The following ARHGAP24 variants were observed in gnomAD, a reference collection of about 807,000 sequenced individuals.
The protein encoded by ARHGAP24 is Rho GTPase activating protein 24, also known as rho GTPase-activating protein 24.
A neutral mutation model predicts 76.4 loss-of-function variants in ARHGAP24; 50 were observed. The observed-to-expected ratio is 0.65, with a 90% CI of 0.52 to 0.83. The LOEUF (loss-of-function observed/expected upper bound fraction) is 0.83. Among genes scored for constraint, ARHGAP24 ranks in the 40% least tolerant of loss-of-function variants. The probability of loss-of-function intolerance (pLI) is 0.00; values close to 1 mark genes in which losing one functional copy is unlikely to be tolerated. For missense variants in ARHGAP24, 930 were observed against 914.2 expected (o/e 1.02, Z -0.22); for synonymous variants, 345 against 323.3 (o/e 1.07, Z -0.72).
At chr4:85,788,385 GCTAT>G (rs1578229375) in intron 3 of ARHGAP24, among the ~76,000 whole-genome samples, 1 of 152,008 alleles carries the variant, frequency 6.6e-6, no homozygotes. Flanking sequence ...ATCATTTTTA[GCTAT>G]CTATTTTGCT....
intron 2 of ARHGAP24, among the ~76,000 whole-genome samples, chr4:85,659,272 G>C (rs1361273731): frequency 6.6e-6 from 1 of 152,198 alleles, no homozygotes; most frequent in African/African-American, 2.4e-5. Flanking sequence ...AACAGAATGA[G>C]GGCGCTGCTA....
chr4:85,987,488 C>G (rs987924491), intron 8 of ARHGAP24, among the ~76,000 whole-genome samples: 1 of 151,798 alleles, frequency 6.6e-6, no homozygotes, highest in Non-Finnish European at 1.5e-5. Context: ...CATAAAATAG[C>G]TAATAGAAAA....
intron 1 of ARHGAP24, among the ~76,000 whole-genome samples, chr4:85,519,043 A>C (rs907189540): frequency 6.6e-6 from 1 of 152,248 alleles, no homozygotes; most frequent in South Asian, 2.1e-4. Flanking sequence ...GCTAACAAAC[A>C]TATGAAAAAA....
At chr4:85,659,192 C>T (rs933652899) in intron 2 of ARHGAP24, among the ~76,000 whole-genome samples, 3 of 152,066 alleles carry the variant, frequency 2.0e-5, no homozygotes, top group Non-Finnish European at 1.5e-5. Context: ...AATTGTCTGA[C>T]GTTGCTGAAG....
At chr4:85,493,670 C>T (rs1723447652) in intron 1 of ARHGAP24, among the ~76,000 whole-genome samples, 2 of 152,152 alleles carry the variant, frequency 1.3e-5, no homozygotes, top group South Asian at 4.1e-4. Context: ...TTCTTGTACT[C>T]CATTTGATCC....
intron 3 of ARHGAP24, among the ~76,000 whole-genome samples, chr4:85,758,178 G>T (rs775185512): frequency 6.6e-6 from 1 of 152,156 alleles, no homozygotes; most frequent in South Asian, 2.1e-4. Flanking sequence ...TGAAATAAAA[G>T]ACAAATATAA....
At chr4:85,577,094 A>G (rs1018181968) in intron 2 of ARHGAP24, among the ~76,000 whole-genome samples, 2 of 151,518 alleles carry the variant, frequency 1.3e-5, no homozygotes, top group Non-Finnish European at 2.9e-5. Flanking sequence ...AATAGAATTT[A>G]TTGTTTAAGA....
intron 2 of ARHGAP24, among the ~76,000 whole-genome samples, chr4:85,661,662 C>A (rs1257514808): frequency 6.6e-6 from 1 of 151,262 alleles, no homozygotes; most frequent in Non-Finnish European, 1.5e-5. Flanking sequence ...TGCTATCCCT[C>A]CCCCCTTCCC....
intron 8 of ARHGAP24, among the ~76,000 whole-genome samples, chr4:85,994,213 C>T (rs1230774832): frequency 4.6e-5 from 7 of 152,118 alleles, no homozygotes; most frequent in African/African-American, 1.7e-4. Flanking sequence ...TTTTAATAAA[C>T]ATTGTATTAT....
chr4:85,548,982 T>C (rs538025726), intron 1 of ARHGAP24, among the ~76,000 whole-genome samples: 1 of 152,252 alleles, frequency 6.6e-6, no homozygotes, highest in East Asian at 1.9e-4. Flanking sequence ...CATGTTGTTA[T>C]ATGTATATCT....
chr4:85,518,488 A>G (rs1159708301), intron 1 of ARHGAP24, among the ~76,000 whole-genome samples: 2 of 152,096 alleles, frequency 1.3e-5, no homozygotes, highest in South Asian at 2.1e-4. Flanking sequence ...ACACTGCACC[A>G]TATTTGTAGT....
At chr4:85,977,066 G>A (rs548191187) in intron 7 of ARHGAP24, among the ~76,000 whole-genome samples, 1 of 152,178 alleles carries the variant, frequency 6.6e-6, no homozygotes, top group East Asian at 1.9e-4. Context: ...GGGATTACAG[G>A]TGTGAGCCAC....
chr4:85,751,603 A>G (rs531935005), intron 3 of ARHGAP24, among the ~76,000 whole-genome samples: 148 of 152,348 alleles, frequency 9.7e-4, no homozygotes, highest in African/African-American at 3.3e-3. Context: ...GAAACAGACA[A>G]GTAAATGTCT....
chr4:85,919,313 C>T (rs183105104), intron 3 of ARHGAP24, among the ~76,000 whole-genome samples: 3 of 152,334 alleles, frequency 2.0e-5, no homozygotes, highest in Admixed American at 6.5e-5. Flanking sequence ...AGCCCCTTCA[C>T]TTGCAAGGCA....
At chr4:85,647,498 C>T (rs186076227) in intron 2 of ARHGAP24, among the ~76,000 whole-genome samples, 70 of 152,184 alleles carry the variant, frequency 4.6e-4, no homozygotes, top group African/African-American at 1.6e-3. Context: ...AGTCCTGACT[C>T]TACCCCTCAC....
At chr4:85,957,696 C>T (rs991228078) in intron 5 of ARHGAP24, among the ~76,000 whole-genome samples, 11 of 152,150 alleles carry the variant, frequency 7.2e-5, no homozygotes, top group Admixed American at 1.3e-4. Flanking sequence ...GGCTTCTTCT[C>T]TAATTTGAAC....
At chr4:85,709,275 TATA>T (rs1186788080) in intron 2 of ARHGAP24, among the ~76,000 whole-genome samples, 1 of 152,134 alleles carries the variant, frequency 6.6e-6, no homozygotes, top group Admixed American at 6.6e-5. Flanking sequence ...ATGAAATGGT[TATA>T]TAGATATAGT....
chr4:85,835,779 G>C (rs577442118), intron 3 of ARHGAP24, among the ~76,000 whole-genome samples: 2 of 151,942 alleles, frequency 1.3e-5, no homozygotes, highest in South Asian at 4.2e-4. Context: ...TCCGCCTCCC[G>C]GGTTCAAGAG....
chr4:85,800,946 A>T (rs1275414633), intron 3 of ARHGAP24, among the ~76,000 whole-genome samples: 1 of 152,232 alleles, frequency 6.6e-6, no homozygotes, highest in African/African-American at 2.4e-5. Context: ...CATTCAAATT[A>T]AAGCGTCCTT....
Sources: gnomAD v4.1 joint callset for allele counts (sites outside exome capture counted in the v4.1 genomes callset) on GRCh38, gnomAD v4.1.1 for gene constraint, MANE v1.5 for transcripts, NCBI Gene and HGNC (gene_info 2026-07-23, HGNC 2026-07-21) for gene names.